GABRA5: variants seen among roughly 807,000 people sequenced by gnomAD.
GABRA5 encodes the protein gamma-aminobutyric acid receptor subunit alpha-5.
In GABRA5, 18 loss-of-function variants were observed where a neutral mutation model predicts 47.3. The ratio of observed to expected loss-of-function variants is 0.38; its 90% confidence interval spans 0.26 to 0.56. The LOEUF is 0.56. Among genes scored for constraint, GABRA5 ranks in the 20% least tolerant of loss-of-function variants. GABRA5 has a pLI of 0.71. For synonymous variants in GABRA5, 237 were observed against 229.3 expected (o/e 1.03, Z -0.30); for missense variants, 365 against 599.3 (o/e 0.61, Z 4.08).
intron 6 of GABRA5, among the ~76,000 whole-genome samples, chr15:26,894,719 T>C (rs1198991650): frequency 1.3e-5 from 2 of 152,086 alleles, no homozygotes; most frequent in African/African-American, 2.4e-5. Flanking sequence ...TGCTGTGCGC[T>C]CACCGGAGGA....
intron 7 of GABRA5, among the ~76,000 whole-genome samples, chr15:26,928,484 C>T (rs892051350): frequency 5.9e-5 from 9 of 152,070 alleles, no homozygotes; most frequent in African/African-American, 1.9e-4. Context: ...GTTTCCTCCC[C>T]AAATCATGTG....
At chr15:26,939,364 A>G (rs1447784870) in intron 8 of GABRA5, 1 of 765,270 alleles carries the variant, frequency 1.3e-6, no homozygotes, top group East Asian at 2.4e-5. Context: ...ATTTCAAAGA[A>G]CAGGCGACAC....
intron 2 of GABRA5, 54 bp from the exon 3 acceptor site, chr15:26,869,121 T>C (rs763226972): frequency 3.0e-6 from 2 of 668,892 alleles, no homozygotes; most frequent in South Asian, 1.8e-5. Flanking sequence ...TTCCAGGAAC[T>C]GTGACACAAC....
At chr15:26,892,413 G>T (rs551002140) in intron 6 of GABRA5, among the ~76,000 whole-genome samples, 47 of 151,554 alleles carry the variant, frequency 3.1e-4, no homozygotes, top group African/African-American at 1.1e-3. Context: ...TACCCAGCCC[G>T]CGCCCCGGGG....
At chr15:26,937,426 G>A in intron 8 of GABRA5, 98 bp downstream of exon 8, 1 of 1,312,182 alleles carries the variant, frequency 7.6e-7, no homozygotes, top group Non-Finnish European at 1.0e-6. Context: ...GGGCCACGTG[G>A]GAGGCCGCAC....
intron 3 of GABRA5, chr15:26,880,633 G>C: frequency 2.2e-6 from 1 of 446,512 alleles, no homozygotes; most frequent in Non-Finnish European, 4.0e-6. Flanking sequence ...AGGTTAGGTG[G>C]TTGGATAACT....
intron 6 of GABRA5, among the ~76,000 whole-genome samples, chr15:26,895,057 A>T (rs9707931): frequency 0.85 from 129,144 of 151,898 alleles, 55,224 homozygotes; most frequent in Non-Finnish European, 0.9. Context: ...GTTCTCTGCT[A>T]ACCAGCTGGT....
intron 6 of GABRA5, among the ~76,000 whole-genome samples, chr15:26,890,426 A>ATTTT (rs201726196): frequency 0.014 from 1,784 of 128,528 alleles, 68 homozygotes; most frequent in African/African-American, 0.054. Flanking sequence ...AGTCACTTCA[A>ATTTT]TTTTTTTTTT....
At chr15:26,875,141 G>A (rs1433077671) in intron 3 of GABRA5, among the ~76,000 whole-genome samples, 1 of 152,208 alleles carries the variant, frequency 6.6e-6, no homozygotes, top group African/African-American at 2.4e-5. Flanking sequence ...AGCAAGCCCA[G>A]GTCTGTGTCA....
In GABRA5 at chr15:26,868,380, T is replaced by G. The variant is rs1892377969; in HGVS notation, c.-139-349T>G. Reference sequence around the variant, plus strand: ...TCCCAATTCCGGAGTTTGCGGGGGATGGGGGTTGGGGGGGCTTCTTGGGAA... The same window carrying G: ...TCCCAATTCCGGAGTTTGCGGGGGAGGGGGGTTGGGGGGGCTTCTTGGGAA... On this transcript the variant is annotated intron_variant, in intron 1 of 10. Coordinates refer to ENST00000335625, the MANE Select transcript of GABRA5 (RefSeq NM_000810.4). Among the ~76,000 whole-genome samples, 7 of 145,398 alleles carry G rather than the reference T, an allele frequency of 4.8e-5. No individual in the cohort carries two copies. The South Asian group carries it at 7.1e-4, about 15-fold the overall frequency.
At chr15:26,939,804 C>T in intron 8 of GABRA5, 121 bp from the exon 9 acceptor site, 1 of 927,756 alleles carries the variant, frequency 1.1e-6, no homozygotes, top group Non-Finnish European at 1.7e-6. Flanking sequence ...TAACCCAGAT[C>T]ATACAAATGA....
intron 6 of GABRA5, among the ~76,000 whole-genome samples, chr15:26,891,800 G>C (rs1009122483): frequency 1.3e-5 from 2 of 152,184 alleles, no homozygotes; most frequent in Non-Finnish European, 2.9e-5. Flanking sequence ...CCCGAGTCAG[G>C]GCCACAGTGC....
At chr15:26,869,063 C>G (rs1892397734) in intron 2 of GABRA5, 112 bp from the exon 3 acceptor site, 2 of 565,062 alleles carry the variant, frequency 3.5e-6, no homozygotes, top group Non-Finnish European at 6.4e-6. Context: ...TGGGGAAGGA[C>G]AGCGGGCTCC....
chr15:26,937,645 C>A (rs1894278967), intron 8 of GABRA5, among the ~76,000 whole-genome samples: 1 of 152,220 alleles, frequency 6.6e-6, no homozygotes, highest in East Asian at 1.9e-4. Context: ...ACCCCAGTTA[C>A]CTGCTTCCCC....
chr15:26,911,465 C>A (rs1414053412), intron 6 of GABRA5, among the ~76,000 whole-genome samples: 2 of 151,834 alleles, frequency 1.3e-5, no homozygotes, highest in Non-Finnish European at 2.9e-5. Context: ...AGAATGCCAT[C>A]TTTCAACATT....
chr15:26,880,233 G>T (rs973771875), intron 3 of GABRA5, among the ~76,000 whole-genome samples: 1 of 152,132 alleles, frequency 6.6e-6, no homozygotes, highest in Non-Finnish European at 1.5e-5. Context: ...TGTGACGCTG[G>T]GTCCCACAGA....
intron 7 of GABRA5, among the ~76,000 whole-genome samples, chr15:26,934,141 A>G (rs1235860705): frequency 6.6e-6 from 1 of 151,802 alleles, no homozygotes; most frequent in Admixed American, 6.6e-5. Context: ...AATCCCAGCT[A>G]CTCAGGAGGC....
At chr15:26,893,366 A>ATGGTGTGTTGTGGGTATGGTGTGGT (rs1450384043) in intron 6 of GABRA5, among the ~76,000 whole-genome samples, 4 of 1,616 alleles carry the variant, frequency 2.5e-3, no homozygotes, top group Non-Finnish European at 3.5e-3. Flanking sequence ...TATGGTGTGT[A>ATGGTGTGTTGTGGGTATGGTGTGGT]GCGTGTGGCG....
intron 3 of GABRA5, among the ~76,000 whole-genome samples, chr15:26,879,535 G>C (rs1284802678): frequency 6.6e-6 from 1 of 152,178 alleles, no homozygotes; most frequent in African/African-American, 2.4e-5. Context: ...AGAGCTTCAA[G>C]TATATGCATT....
Sources: allele counts gnomAD v4.1 joint callset (sites outside exome capture counted in the v4.1 genomes callset), GRCh38; gene constraint gnomAD v4.1.1; transcripts MANE v1.5; gene names NCBI Gene and HGNC (gene_info 2026-07-23, HGNC 2026-07-21).